GALNT13: variants seen among roughly 807,000 people sequenced by gnomAD.
GALNT13 encodes UDP-GalNAc:polypeptide N-acetylgalactosaminyltransferase 13.
GALNT13 carries 28 observed loss-of-function variants against 64.2 expected under a neutral mutation model. That is an observed-to-expected ratio of 0.44 (90% confidence interval 0.32 to 0.60). The LOEUF is 0.60. Among genes scored for constraint, GALNT13 ranks in the 20% least tolerant of loss-of-function variants. The probability of loss-of-function intolerance (pLI) is 0.05; values close to 1 mark genes in which losing one functional copy is unlikely to be tolerated. For missense variants in GALNT13, 577 were observed against 669.8 expected, an observed-to-expected ratio of 0.86 and a Z score of 1.53; for synonymous variants, 214 against 224.6, an observed-to-expected ratio of 0.95 and a Z score of 0.42.
At chr2:153,723,024 C>A in the GALNT13 span, among the ~76,000 whole-genome samples, 3 of 152,054 alleles carry the variant, frequency 2.0e-5, no homozygotes, top group Non-Finnish European at 4.4e-5. Flanking sequence ...AGAACAATAT[C>A]CTTGATGAAC....
intron 4 of GALNT13, among the ~76,000 whole-genome samples, chr2:154,175,197 A>G (rs1685579014): frequency 1.3e-5 from 2 of 152,152 alleles, no homozygotes. Flanking sequence ...TTAACTCATA[A>G]TTGGAGGAAC....
intron 2 of GALNT13, among the ~76,000 whole-genome samples, chr2:153,910,865 G>T (rs6755834): frequency 0.7 from 106,765 of 152,076 alleles, 37,813 homozygotes; most frequent in East Asian, 0.9. Flanking sequence ...TTTAGTGTAT[G>T]TGCCATGTGG....
chr2:154,430,189 A>G (rs1028577634), intron 11 of GALNT13, among the ~76,000 whole-genome samples: 1 of 152,210 alleles, frequency 6.6e-6, no homozygotes, highest in Non-Finnish European at 1.5e-5. Context: ...TCTCACTGCC[A>G]TAGTGATTCC....
chr2:154,141,341 G>C (rs1390328074), intron 4 of GALNT13, among the ~76,000 whole-genome samples: 1 of 151,922 alleles, frequency 6.6e-6, no homozygotes, highest in Non-Finnish European at 1.5e-5. Context: ...ATAAAGTCTT[G>C]AATTTTTTTC....
At chr2:153,835,809 AT>A in the GALNT13 span, among the ~76,000 whole-genome samples, 1 of 152,048 alleles carries the variant, frequency 6.6e-6, no homozygotes, top group Non-Finnish European at 1.5e-5. Flanking sequence ...AAACCAGCAG[AT>A]TAACTCTTAT....
the GALNT13 span, among the ~76,000 whole-genome samples, chr2:153,479,761 C>T: frequency 6.7e-3 from 1,028 of 152,304 alleles, 11 homozygotes; most frequent in African/African-American, 0.024. Context: ...GTCATTTAAA[C>T]TAAACACAGA....
At chr2:154,342,598 A>T (rs986400463) in intron 9 of GALNT13, among the ~76,000 whole-genome samples, 5 of 151,716 alleles carry the variant, frequency 3.3e-5, no homozygotes, top group Non-Finnish European at 5.9e-5. Flanking sequence ...CAGTGTTCAT[A>T]AAAAAAACTT....
At chr2:153,157,974 A>G in the GALNT13 span, among the ~76,000 whole-genome samples, 2 of 152,212 alleles carry the variant, frequency 1.3e-5, no homozygotes, top group African/African-American at 4.8e-5. Flanking sequence ...CAGAAAGTTC[A>G]TAAAATAGTT....
chr2:153,537,760 C>G, the GALNT13 span, among the ~76,000 whole-genome samples: 6 of 152,174 alleles, frequency 3.9e-5, no homozygotes, highest in African/African-American at 1.2e-4. Context: ...TCCCCCTTCA[C>G]TCAGAACTTC....
At chr2:154,286,291 A>C (rs1034148836) in intron 8 of GALNT13, among the ~76,000 whole-genome samples, 1 of 152,224 alleles carries the variant, frequency 6.6e-6, no homozygotes, top group African/African-American at 2.4e-5. Context: ...TTCACTGTTG[A>C]GTCTGATATT....
the GALNT13 span, among the ~76,000 whole-genome samples, chr2:153,292,846 G>A: frequency 6.6e-6 from 1 of 152,054 alleles, no homozygotes; most frequent in South Asian, 2.1e-4. Context: ...ATTCCCATCA[G>A]ACATTTCTGT....
chr2:153,867,059 A>G (rs914012534), upstream of GALNT13, among the ~76,000 whole-genome samples: 6 of 152,250 alleles, frequency 3.9e-5, no homozygotes, highest in African/African-American at 1.2e-4. Context: ...TTATAAGAAC[A>G]GTCAATCTGC....
chr2:154,191,580 A>G (rs916864061), intron 4 of GALNT13, among the ~76,000 whole-genome samples: 5 of 152,196 alleles, frequency 3.3e-5, no homozygotes, highest in African/African-American at 1.2e-4. Flanking sequence ...AGTTTAAACC[A>G]CTTTTCAACT....
intron 3 of GALNT13, among the ~76,000 whole-genome samples, chr2:154,100,868 G>A (rs1160254623): frequency 2.6e-5 from 4 of 151,824 alleles, no homozygotes; most frequent in African/African-American, 9.7e-5. Flanking sequence ...AATATTTTGA[G>A]GTATTTTCTT....
chr2:154,281,368 T>C (rs1210574453), intron 8 of GALNT13, among the ~76,000 whole-genome samples: 1 of 152,148 alleles, frequency 6.6e-6, no homozygotes, highest in Non-Finnish European at 1.5e-5. Flanking sequence ...TGTTGTATTG[T>C]TGATCTAAAG....
At chr2:153,234,148 A>G in the GALNT13 span, among the ~76,000 whole-genome samples, 1 of 152,166 alleles carries the variant, frequency 6.6e-6, no homozygotes, top group Non-Finnish European at 1.5e-5. Flanking sequence ...CCTTCTCTTT[A>G]TGTAGCATTA....
At chr2:153,528,246 C>A in the GALNT13 span, among the ~76,000 whole-genome samples, 1 of 151,554 alleles carries the variant, frequency 6.6e-6, no homozygotes, top group Admixed American at 6.6e-5. Flanking sequence ...ATATTCCATG[C>A]CAATGGAAGC....
chr2:153,246,460 A>T, the GALNT13 span, among the ~76,000 whole-genome samples: 1 of 152,144 alleles, frequency 6.6e-6, no homozygotes, highest in Non-Finnish European at 1.5e-5. Context: ...TCTGCAGAAA[A>T]CCCACAAGCA....
chr2:154,030,742 A>T (rs1698281048), intron 3 of GALNT13, among the ~76,000 whole-genome samples: 1 of 151,666 alleles, frequency 6.6e-6, no homozygotes, highest in Admixed American at 6.6e-5. Context: ...AATTTGTAGC[A>T]CTCCCACCTT....
Sources: allele counts gnomAD v4.1 joint callset (sites outside exome capture counted in the v4.1 genomes callset), GRCh38; gene constraint gnomAD v4.1.1; transcripts MANE v1.5; gene names NCBI Gene and HGNC (gene_info 2026-07-23, HGNC 2026-07-21).